The following DMD variants were observed in gnomAD, a reference collection of about 807,000 sequenced individuals.
DMD encodes the protein dystrophin, also known as mutant dystrophin.
In DMD, 63 loss-of-function variants were observed where a neutral mutation model predicts 330.1. That is an observed-to-expected ratio of 0.19 (90% confidence interval 0.16 to 0.24). The LOEUF (loss-of-function observed/expected upper bound fraction) is 0.24. Ranked by LOEUF, DMD falls within the 10% of genes least tolerant of loss-of-function variation. The probability of loss-of-function intolerance (pLI) is 1.00; values close to 1 mark genes in which losing one functional copy is unlikely to be tolerated. For synonymous variants in DMD, 1,223 were observed against 959.8 expected (o/e 1.27, Z -5.07); for missense variants, 3,344 against 2,684.1 (o/e 1.25, Z -5.43).
At chrX:31,167,485 A>T (rs2148160047) in intron 74 of DMD, among the ~76,000 whole-genome samples, 1 of 111,855 alleles carries the variant, frequency 8.9e-6, no homozygotes, top group Non-Finnish European at 1.9e-5. Context: ...AGCTCAAAAG[A>T]TATATTACAC....
At chrX:33,262,902 A>C (rs1405734571) in intron 1 of DMD, among the ~76,000 whole-genome samples, 1 of 111,176 alleles carries the variant, frequency 9.0e-6, no homozygotes, top group Non-Finnish European at 1.9e-5. Flanking sequence ...AAGGACATGA[A>C]CAGATGATTC....
At chrX:33,031,953 G>T (rs184434212) in intron 1 of DMD, among the ~76,000 whole-genome samples, 1 of 112,194 alleles carries the variant, frequency 8.9e-6, no homozygotes, top group Non-Finnish European at 1.9e-5. Flanking sequence ...CAAAGTAAGT[G>T]CCAATAGAGA....
rs1292450607 is a variant in DMD at position 31,478,961 on chromosome X, T to C, written c.8668+22A>G. On this transcript the variant is annotated intron_variant, in intron 58 of 78. Transcript: ENST00000357033. ...CACTGATCCTTCTATCAATATGTTA[T>C]TATAGTTCCACATTCAATTACCTCT... is the stretch of plus-strand genomic sequence containing the variant. The C allele has an allele frequency of 2.5e-6, 3 of 1,205,680 alleles. No homozygotes were observed. In the African/African-American group the frequency reaches 5.3e-5, roughly 21 times the overall value.
At chrX:32,969,205 C>CCTTGTTTTTTCCTT (rs1602301732) in intron 2 of DMD, among the ~76,000 whole-genome samples, 7 of 94,747 alleles carry the variant, frequency 7.4e-5, no homozygotes, top group East Asian at 3.3e-4. Context: ...CATTTCTGCT[C>CCTTGTTTTTTCCTT]TTTATAAACC....
intron 16 of DMD, among the ~76,000 whole-genome samples, chrX:32,552,531 G>T (rs1491003026): frequency 9.0e-6 from 1 of 111,431 alleles, no homozygotes; most frequent in East Asian, 2.8e-4. Context: ...TCATAACAAA[G>T]ACACCAAAAA....
At chrX:32,840,835 CAAATG>C (rs1278271910) in intron 4 of DMD, among the ~76,000 whole-genome samples, 3 of 111,980 alleles carry the variant, frequency 2.7e-5, no homozygotes, top group African/African-American at 9.7e-5. Context: ...TGGGCTATCA[CAAATG>C]AAACTGCTAT....
rs768523920 is a variant in DMD, at chrX:31,933,129, T to C, written c.6615-902A>G. Among the ~76,000 whole-genome samples the C allele has an allele frequency of 1.8e-3, 207 of 112,282 alleles. 1 individual carries two copies. Among genetic ancestry groups the C allele is most frequent in the African/African-American group, 6.2e-3 (192 of 30,915 alleles). ...CAAGTTTTAAAATGTTTAATTAAAG[T>C]ATACTTATGGAAAATGAGAGGACAA... On this transcript the variant is annotated intron_variant, in intron 45 of 78. Transcript: ENST00000357033.
At chrX:32,581,588 C>T (rs7881772) in intron 13 of DMD, among the ~76,000 whole-genome samples, 4,386 of 111,457 alleles carry the variant, frequency 0.039, 219 homozygotes, top group African/African-American at 0.14. Flanking sequence ...GACTCCAAAA[C>T]GGAAAATCTG....
intron 62 of DMD, among the ~76,000 whole-genome samples, chrX:31,314,136 A>C (rs1169297020): frequency 8.9e-6 from 1 of 111,999 alleles, no homozygotes; most frequent in East Asian, 2.8e-4. Flanking sequence ...CGCCCGACTG[A>C]TAGCCGTTTT....
At chrX:31,431,544 T>C (rs893540640) in intron 60 of DMD, among the ~76,000 whole-genome samples, 4 of 110,775 alleles carry the variant, frequency 3.6e-5, no homozygotes, top group Non-Finnish European at 5.7e-5. Flanking sequence ...ATTACAGGCA[T>C]GTGCCACCAC....
intron 78 of DMD, among the ~76,000 whole-genome samples, chrX:31,124,473 C>G (rs912560170): frequency 1.8e-5 from 2 of 111,190 alleles, no homozygotes; most frequent in African/African-American, 6.6e-5. Context: ...GCAGAGCATT[C>G]GGGAGGTCAT....
intron 4 of DMD, among the ~76,000 whole-genome samples, chrX:32,837,660 A>G (rs2079774209): frequency 8.9e-6 from 1 of 111,906 alleles, no homozygotes; most frequent in African/African-American, 3.2e-5. Flanking sequence ...CACGTGTTTA[A>G]TATCAGGACA....
rs753512106 is a variant in DMD, at chrX:33,272,910, A to T, written c.7+66349T>A. Among the ~76,000 whole-genome samples, 27 of 111,184 alleles carry T rather than the reference A, an allele frequency of 2.4e-4. No homozygotes were observed. In the Admixed American group the frequency reaches 2.5e-3, roughly 10 times the overall value. On this transcript the variant is annotated intron_variant, in intron 1 of 17. Transcript: ENST00000288447. ...TGGAATATTGACAAATCCTAAAATA[A>T]TTTAAAAAAAAACAGTGGATTTTAA...
At chrX:32,530,102 C>A (rs564863233) in intron 17 of DMD, among the ~76,000 whole-genome samples, 7 of 111,834 alleles carry the variant, frequency 6.3e-5, no homozygotes, top group African/African-American at 1.9e-4. Context: ...TTAACATGTG[C>A]CTCAAAAGCT....
At chrX:31,479,229 G>T (rs911769018) in intron 57 of DMD, 126 bp from the exon 58 acceptor site, 2 of 777,595 alleles carry the variant, frequency 2.6e-6, no homozygotes, top group Admixed American at 2.9e-5. Context: ...TTTATACACT[G>T]ATGGTTATAA....
At chrX:31,986,756 G>A (rs1219495578) in intron 44 of DMD, among the ~76,000 whole-genome samples, 3 of 112,044 alleles carry the variant, frequency 2.7e-5, no homozygotes, top group Admixed American at 1.9e-4. Context: ...TCTACACTGA[G>A]CTTTAAAAAG....
intron 27 of DMD, 128 bp from the exon 28 acceptor site, chrX:32,441,442 G>A: frequency 3.1e-6 from 2 of 648,000 alleles, no homozygotes; most frequent in Admixed American, 5.9e-5. Context: ...TTTGTAGCAG[G>A]TAATTCAAAA....
intron 60 of DMD, among the ~76,000 whole-genome samples, chrX:31,375,427 A>C (rs2059835302): frequency 9.0e-6 from 1 of 111,328 alleles, no homozygotes; most frequent in Non-Finnish European, 1.9e-5. Context: ...TCTGCTTCTG[A>C]GCCTAGTCTT....
intron 4 of DMD, among the ~76,000 whole-genome samples, chrX:32,841,683 G>A (rs940091706): frequency 1.9e-4 from 21 of 111,953 alleles, no homozygotes; most frequent in African/African-American, 6.5e-5. Flanking sequence ...CACACCATAT[G>A]CAATAATCAA....
Sources: allele counts gnomAD v4.1 joint callset (sites outside exome capture counted in the v4.1 genomes callset), GRCh38; gene constraint gnomAD v4.1.1; transcripts MANE v1.5; gene names NCBI Gene and HGNC (gene_info 2026-07-23, HGNC 2026-07-21).